The following CCDC171 variants were observed in gnomAD, a reference collection of about 807,000 sequenced individuals.
The protein encoded by CCDC171 is coiled-coil domain-containing protein 171.
Under a neutral mutation model 168.2 loss-of-function variants are expected in CCDC171, and 177 were observed. The ratio of observed to expected loss-of-function variants is 1.05; its 90% CI spans 0.93 to 1.19. CCDC171 has a LOEUF of 1.19. Ranked by LOEUF, CCDC171 falls within the 50% of genes most tolerant of loss-of-function variation. The pLI is 0.00. For missense variants in CCDC171, 1,991 were observed against 1,539.0 expected (o/e 1.29, Z -4.91); for synonymous variants, 687 against 540.8 (o/e 1.27, Z -3.75).
chr9:15,905,537 G>A (rs1352983277), intron 24 of CCDC171, among the ~76,000 whole-genome samples: 1 of 152,060 alleles, frequency 6.6e-6, no homozygotes, highest in Non-Finnish European at 1.5e-5. Context: ...GTAGAGGGAA[G>A]TTTATAGCAT....
intron 7 of CCDC171, among the ~76,000 whole-genome samples, chr9:15,647,889 T>G (rs926478790): frequency 5.9e-5 from 9 of 152,184 alleles, no homozygotes; most frequent in African/African-American, 2.2e-4. Context: ...CCTCCCTAAC[T>G]CATTTTATGA....
chr9:16,009,917 T>A (rs572144933), intron 3 of CCDC171, among the ~76,000 whole-genome samples: 16 of 152,294 alleles, frequency 1.1e-4, no homozygotes, highest in African/African-American at 3.6e-4. Flanking sequence ...TACAGGCGAA[T>A]TGAATGCTGG....
chr9:15,762,806 T>G (rs1003283820), intron 18 of CCDC171, among the ~76,000 whole-genome samples: 1 of 152,216 alleles, frequency 6.6e-6, no homozygotes, highest in Admixed American at 6.5e-5. Context: ...TGCTCCTACC[T>G]GGTCTAAGGC....
Position 15,995,283 on chromosome 9 carries a change from A to G in CCDC171, n.369-25306A>G, listed in dbSNP as rs577003782. Among the ~76,000 whole-genome samples, 7 of 152,362 alleles carry G rather than the reference A, an allele frequency of 4.6e-5. No homozygotes were observed. In the South Asian group the frequency reaches 1.4e-3, roughly 32 times the overall value. ...CCAAGAACAGAACAATTGTCAAGAA[A>G]TAACAAAGGCTTGTAATCTTCCTCC... On this transcript the variant is annotated intron_variant and non_coding_transcript_variant, in intron 3 of 9. Transcript: ENST00000486641.
intron 11 of CCDC171, among the ~76,000 whole-genome samples, chr9:15,697,315 T>A (rs139237760): frequency 1.3e-5 from 2 of 152,300 alleles, no homozygotes; most frequent in African/African-American, 4.8e-5. Flanking sequence ...AGCTAAGACA[T>A]AATATTAGTT....
chr9:15,968,299 T>G (rs1831000205), intron 25 of CCDC171, among the ~76,000 whole-genome samples: 1 of 152,228 alleles, frequency 6.6e-6, no homozygotes, highest in Admixed American at 6.5e-5. Flanking sequence ...GTAGTTTATA[T>G]GACCATGGAC....
rs139121981 is a variant in CCDC171, at chr9:15,598,580, A to G, written c.675+4408A>G. ...TGCTTTACTTCCAACTATGTGGTCA[A>G]TTTTGGAATAGGTGTGGTGTGGTGC... On this transcript the variant is annotated intron_variant, in intron 6 of 25. Coordinates refer to ENST00000380701, the MANE Select transcript of CCDC171 (RefSeq NM_173550.4). Among the ~76,000 whole-genome samples the G allele has an allele frequency of 8.5e-5, 13 of 152,208 alleles. No homozygotes were observed. In the East Asian group the frequency reaches 1.2e-3, roughly 14 times the overall value.
intron 21 of CCDC171, among the ~76,000 whole-genome samples, chr9:15,833,135 A>G (rs2060303764): frequency 6.6e-6 from 1 of 151,906 alleles, no homozygotes; most frequent in South Asian, 2.1e-4. Context: ...TTACAGGCAC[A>G]CACCATCATG....
chr9:15,624,269 A>G (rs1241630621), intron 7 of CCDC171, among the ~76,000 whole-genome samples: 1 of 152,158 alleles, frequency 6.6e-6, no homozygotes, highest in Admixed American at 6.5e-5. Flanking sequence ...AAAACATTCA[A>G]TAAGGAGGCT....
At chr9:16,014,424 T>C (rs1322781183) in intron 3 of CCDC171, among the ~76,000 whole-genome samples, 2 of 152,184 alleles carry the variant, frequency 1.3e-5, no homozygotes, top group African/African-American at 4.8e-5. Context: ...TTGGAATCAG[T>C]TTCTTCCAAA....
intron 11 of CCDC171, among the ~76,000 whole-genome samples, chr9:15,705,281 A>G (rs1357491994): frequency 2.0e-5 from 3 of 152,206 alleles, no homozygotes; most frequent in Admixed American, 1.3e-4. Flanking sequence ...CTGGACGGAA[A>G]CTACAACAAC....
At chr9:15,747,618 A>G (rs910958243) in intron 18 of CCDC171, among the ~76,000 whole-genome samples, 4 of 152,164 alleles carry the variant, frequency 2.6e-5, no homozygotes, top group Non-Finnish European at 4.4e-5. Flanking sequence ...CAGGGTCTGG[A>G]CTGGACGTCC....
At chr9:16,042,581 G>T (rs1833589917), upstream of CCDC171, among the ~76,000 whole-genome samples, 1 of 152,128 alleles carries the variant, frequency 6.6e-6, no homozygotes, top group Admixed American at 6.5e-5. Flanking sequence ...GAGAAGACTG[G>T]ACAAAGCATC....
Position 15,846,707 on chromosome 9 carries a change from C to G in CCDC171, c.3273C>G (p.Leu1091=). 6.2e-7 allele frequency: 1 copy of G among 1,612,848 alleles called. No homozygotes were observed. The highest frequency in any genetic ancestry group is 8.5e-7 in the Non-Finnish European group (1 of 1,179,326). ...TGTTTTCTGTCTGCTTGCAGAGTCTCTCCGAGGCAAAGATGGAGCTGAGAA... is the reference window on the plus strand; with the variant it reads ...TGTTTTCTGTCTGCTTGCAGAGTCTGTCCGAGGCAAAGATGGAGCTGAGAA... ...NQTLGEAVKS[L]SEAKMELRRK... The change falls in exon 22 of 26, where the codon CTC becomes CTG. Residue 1091 remains leucine, a synonymous_variant. Transcript: ENST00000380701.
chr9:15,627,824 T>G (rs1313250582), intron 7 of CCDC171, among the ~76,000 whole-genome samples: 1 of 152,150 alleles, frequency 6.6e-6, no homozygotes, highest in Non-Finnish European at 1.5e-5. Context: ...ACCGTAGATG[T>G]CTATTAGGTC....
chr9:15,990,737 C>G (rs1170710687), intron 3 of CCDC171, among the ~76,000 whole-genome samples: 1 of 152,064 alleles, frequency 6.6e-6, no homozygotes, highest in East Asian at 1.9e-4. Flanking sequence ...GAAGATCTAC[C>G]AAGCAAATGG....
At chr9:16,034,179 G>T (rs978872267) in intron 6 of CCDC171, among the ~76,000 whole-genome samples, 3 of 152,222 alleles carry the variant, frequency 2.0e-5, no homozygotes, top group African/African-American at 7.2e-5. Flanking sequence ...GCTAGGTTCA[G>T]TCACTGGCTT....
At chr9:15,959,323 T>G (rs1303085075) in intron 25 of CCDC171, among the ~76,000 whole-genome samples, 1 of 152,190 alleles carries the variant, frequency 6.6e-6, no homozygotes, top group Non-Finnish European at 1.5e-5. Flanking sequence ...TCCCACAAAC[T>G]GCTTGCTAAT....
At chr9:16,082,907 T>C in the CCDC171 span, among the ~76,000 whole-genome samples, 3 of 152,220 alleles carry the variant, frequency 2.0e-5, no homozygotes, top group Non-Finnish European at 4.4e-5. Flanking sequence ...AGTGAGGACA[T>C]GGTCCACTCC....
Sources: allele counts gnomAD v4.1 joint callset (sites outside exome capture counted in the v4.1 genomes callset), GRCh38; gene constraint gnomAD v4.1.1; transcripts MANE v1.5; gene names NCBI Gene and HGNC (gene_info 2026-07-23, HGNC 2026-07-21).